The following LDAH variants were observed in gnomAD, a reference collection of about 807,000 sequenced individuals.
LDAH encodes lipid droplet associated hydrolase.
A neutral mutation model predicts 29.6 loss-of-function variants in LDAH; 26 were observed. The observed-to-expected ratio is 0.88, with a 90% CI of 0.64 to 1.22. The LOEUF is 1.22. Ranked by LOEUF, LDAH falls within the 50% of genes most tolerant of loss-of-function variation. The pLI is 0.00. For synonymous variants in LDAH, 117 were observed against 133.0 expected, an observed-to-expected ratio of 0.88 and a Z score of 0.83; for missense variants, 344 against 387.3, an observed-to-expected ratio of 0.89 and a Z score of 0.94.
intron 4 of LDAH, among the ~76,000 whole-genome samples, chr2:20,756,248 T>A (rs1668334865): frequency 6.6e-6 from 1 of 152,118 alleles, no homozygotes. Flanking sequence ...TTGGTCAGGC[T>A]GGTCTCGAAC....
intron 3 of LDAH, chr2:20,788,993 C>A: frequency 1.2e-6 from 1 of 805,504 alleles, no homozygotes; most frequent in Admixed American, 2.7e-5. Flanking sequence ...AGTCCTGGCT[C>A]TCTCTCCAGC....
intron 4 of LDAH, among the ~76,000 whole-genome samples, chr2:20,762,978 A>G (rs991867712): frequency 6.6e-6 from 1 of 152,268 alleles, no homozygotes; most frequent in East Asian, 1.9e-4. Flanking sequence ...TACACACCAA[A>G]GAGCTTCAAT....
At chr2:20,778,937 A>C (rs1669997439) in intron 3 of LDAH, among the ~76,000 whole-genome samples, 1 of 152,024 alleles carries the variant, frequency 6.6e-6, no homozygotes, top group Non-Finnish European at 1.5e-5. Flanking sequence ...ATATATATAT[A>C]TATATGGCTA....
rs115073003 is a variant in LDAH at position 20,799,714 on chromosome 2, T to C, written c.154+1596A>G. On this transcript the variant is annotated intron_variant, in intron 2 of 6. Transcript: ENST00000237822. ...TCCCAGCCTTTAGTATCTATCATTA[T>C]ACTCTGCCTTTACGAGATCAATTTT... Among the ~76,000 whole-genome samples, 1,214 of 152,316 alleles carry C rather than the reference T, an allele frequency of 8.0e-3. 10 individuals carry two copies. Among genetic ancestry groups the C allele is most frequent in the African/African-American group, 0.028 (1,152 of 41,572 alleles).
chr2:20,787,517 T>C (rs1670639237), intron 3 of LDAH, among the ~76,000 whole-genome samples: 1 of 152,070 alleles, frequency 6.6e-6, no homozygotes, highest in Non-Finnish European at 1.5e-5. Flanking sequence ...TGGTCTCAAC[T>C]TCCTGGCCTC....
At chr2:20,732,349 C>CT (rs1022734540) in intron 5 of LDAH, among the ~76,000 whole-genome samples, 1 of 151,840 alleles carries the variant, frequency 6.6e-6, no homozygotes, top group Non-Finnish European at 1.5e-5. Context: ...GTAGTTTCTT[C>CT]TTTTTTTGTA....
intron 3 of LDAH, among the ~76,000 whole-genome samples, chr2:20,778,922 C>CATAT (rs58528359): frequency 0.017 from 2,445 of 147,960 alleles, 46 homozygotes; most frequent in African/African-American, 0.053. Context: ...AACTGCCATT[C>CATAT]ATATATATAT....
intron 5 of LDAH, among the ~76,000 whole-genome samples, chr2:20,715,585 C>T (rs1274932089): frequency 6.6e-6 from 1 of 152,196 alleles, no homozygotes; most frequent in Non-Finnish European, 1.5e-5. Flanking sequence ...AAGAGGAAGT[C>T]AAATTGTCCC....
intron 4 of LDAH, among the ~76,000 whole-genome samples, chr2:20,741,047 GTTTA>G (rs1249302772): frequency 1.3e-5 from 2 of 152,158 alleles, no homozygotes; most frequent in African/African-American, 2.4e-5. Context: ...CTTCTCATAT[GTTTA>G]TTTGTCATCT....
chr2:20,806,897 T>C (rs1035413749), intron 1 of LDAH, among the ~76,000 whole-genome samples: 2 of 150,036 alleles, frequency 1.3e-5, no homozygotes, highest in African/African-American at 4.9e-5. Flanking sequence ...AATAAATGAA[T>C]CCAAATAAAG....
chr2:20,819,701 C>T (rs1430739333), intron 1 of LDAH, among the ~76,000 whole-genome samples: 1 of 152,116 alleles, frequency 6.6e-6, no homozygotes, highest in Admixed American at 6.5e-5. Context: ...TGAAAACTGG[C>T]ACAAGACAGG....
chr2:20,817,947 C>T (rs755646669), intron 1 of LDAH, among the ~76,000 whole-genome samples: 11 of 152,022 alleles, frequency 7.2e-5, no homozygotes, highest in Non-Finnish European at 1.2e-4. Context: ...GTGGTTGCCA[C>T]GGGTTAGGGA....
intron 4 of LDAH, among the ~76,000 whole-genome samples, chr2:20,760,298 T>A (rs1406937099): frequency 6.6e-6 from 1 of 152,228 alleles, no homozygotes; most frequent in Admixed American, 6.5e-5. Context: ...GTCTTAGAGG[T>A]GGGTTTTCCT....
At chr2:20,754,951 A>G (rs1668229027) in intron 4 of LDAH, among the ~76,000 whole-genome samples, 1 of 152,320 alleles carries the variant, frequency 6.6e-6, no homozygotes. Flanking sequence ...GGAATATGCA[A>G]GGTAGATTAA....
chr2:20,790,095 A>G (rs1572636821), intron 3 of LDAH, among the ~76,000 whole-genome samples, 160 bp downstream of exon 3: 1 of 152,254 alleles, frequency 6.6e-6, no homozygotes, highest in Non-Finnish European at 1.5e-5. Flanking sequence ...ATGAAGAGTT[A>G]AAATGTCTCT....
chr2:20,706,210 G>A (rs184077645), intron 5 of LDAH, among the ~76,000 whole-genome samples: 3 of 152,182 alleles, frequency 2.0e-5, no homozygotes, highest in East Asian at 1.9e-4. Context: ...TATTAGTGGG[G>A]GCTTAGGAGA....
intron 3 of LDAH, among the ~76,000 whole-genome samples, chr2:20,780,689 C>T (rs1394630614): frequency 7.2e-5 from 11 of 152,146 alleles, no homozygotes; most frequent in Admixed American, 7.2e-4. Flanking sequence ...GTGTTATGGA[C>T]GTTAACTGCA....
chr2:20,811,019 CTTTT>C (rs1205753675), intron 1 of LDAH, among the ~76,000 whole-genome samples: 2 of 138,896 alleles, frequency 1.4e-5, no homozygotes, highest in African/African-American at 2.7e-5. Flanking sequence ...ATTCGACCTT[CTTTT>C]TTTTTTTTTT....
chr2:20,727,663 A>G (rs1666112534), intron 5 of LDAH, among the ~76,000 whole-genome samples: 1 of 152,188 alleles, frequency 6.6e-6, no homozygotes, highest in Admixed American at 6.5e-5. Flanking sequence ...CTGAACTAAG[A>G]CGTATTTTCT....
Sources: allele counts gnomAD v4.1 joint callset (sites outside exome capture counted in the v4.1 genomes callset), GRCh38; gene constraint gnomAD v4.1.1; transcripts MANE v1.5; gene names NCBI Gene and HGNC (gene_info 2026-07-23, HGNC 2026-07-21).